The following CHCHD3 variants were observed in gnomAD, a reference collection of about 807,000 sequenced individuals.
The protein encoded by CHCHD3 is coiled-coil-helix-coiled-coil-helix domain containing 3.
A neutral mutation model predicts 38.2 loss-of-function variants in CHCHD3; 20 were observed. That is an observed-to-expected ratio of 0.52 (90% CI 0.37 to 0.76). The LOEUF is 0.76. Ranked by LOEUF, CHCHD3 falls within the 30% of genes least tolerant of loss-of-function variation. The pLI is 0.00. For synonymous variants in CHCHD3, 82 were observed against 100.0 expected, an observed-to-expected ratio of 0.82 and a Z score of 1.07; for missense variants, 245 against 279.2, an observed-to-expected ratio of 0.88 and a Z score of 0.87.
At chr7:132,973,873 C>T in intron 4 of CHCHD3, 1 of 1,172,026 alleles carries the variant, frequency 8.5e-7, no homozygotes, top group Non-Finnish European at 1.1e-6. Flanking sequence ...TTCTCCATTC[C>T]ATGGTCCCAT....
intron 4 of CHCHD3, among the ~76,000 whole-genome samples, chr7:132,974,476 A>G (rs1210251237): frequency 1.3e-5 from 2 of 152,224 alleles, no homozygotes; most frequent in African/African-American, 2.4e-5. Flanking sequence ...CACCTTTGCC[A>G]GAGTCTTCCA....
chr7:132,804,445 G>A (rs1447836878), intron 6 of CHCHD3, among the ~76,000 whole-genome samples: 1 of 152,092 alleles, frequency 6.6e-6, no homozygotes, highest in African/African-American at 2.4e-5. Context: ...CTCAGCTGAG[G>A]GGTGACTCGG....
Position 132,864,307 on chromosome 7 carries a change from G to A in CHCHD3, c.453+21355C>T, listed in dbSNP as rs563936391. On this transcript the variant is annotated intron_variant, in intron 5 of 7. Transcript: ENST00000262570. ...CCTCTCAGGGGAGGGAAAAGAGATG[G>A]GGAAATGGCTGATGGGTGGAGGAGT... 1.9e-3 allele frequency among the ~76,000 whole-genome samples: 293 copies of A among 152,234 alleles called. 1 individual carries two copies. The highest frequency in any genetic ancestry group is 6.7e-3 in the African/African-American group (280 of 41,534).
At chr7:133,059,656 T>C (rs1191515280) in intron 2 of CHCHD3, among the ~76,000 whole-genome samples, 2 of 152,304 alleles carry the variant, frequency 1.3e-5, no homozygotes, top group East Asian at 3.9e-4. Flanking sequence ...CTCAAGAAAG[T>C]GCCTCTTCCA....
chr7:132,869,393 C>CT (rs1468157500), intron 5 of CHCHD3, among the ~76,000 whole-genome samples: 2 of 152,120 alleles, frequency 1.3e-5, no homozygotes, highest in Non-Finnish European at 2.9e-5. Flanking sequence ...CAGCTCTGTT[C>CT]TTTTTTTAAA....
chr7:132,845,812 G>A (rs1420331739), intron 5 of CHCHD3, among the ~76,000 whole-genome samples: 4 of 152,060 alleles, frequency 2.6e-5, no homozygotes, highest in African/African-American at 4.8e-5. Context: ...TGTACTTTCC[G>A]GCATGCAACT....
intron 2 of CHCHD3, among the ~76,000 whole-genome samples, chr7:133,027,138 C>T (rs1813363232): frequency 6.6e-6 from 1 of 151,748 alleles, no homozygotes; most frequent in Admixed American, 6.6e-5. Flanking sequence ...GGGATTTCAC[C>T]ATGTTGGCCA....
chr7:132,903,740 C>T (rs1210230358), intron 4 of CHCHD3, among the ~76,000 whole-genome samples: 4 of 152,188 alleles, frequency 2.6e-5, no homozygotes, highest in Non-Finnish European at 4.4e-5. Context: ...TGACTTAAAA[C>T]TCATCTTACT....
intron 5 of CHCHD3, among the ~76,000 whole-genome samples, chr7:132,846,362 A>T (rs79234322): frequency 6.6e-6 from 1 of 152,386 alleles, no homozygotes; most frequent in East Asian, 1.9e-4. Context: ...AACCTCAGCC[A>T]ACTCAGCAGG....
At chr7:133,046,573 G>C (rs538866014) in intron 2 of CHCHD3, among the ~76,000 whole-genome samples, 21 of 48,576 alleles carry the variant, frequency 4.3e-4, no homozygotes, top group Middle Eastern at 0.01. Flanking sequence ...ATTTTTTTGG[G>C]GGGGGGAGAC....
At chr7:133,076,465 G>A (rs1018549215) in intron 1 of CHCHD3, among the ~76,000 whole-genome samples, 1 of 152,154 alleles carries the variant, frequency 6.6e-6, no homozygotes, top group Non-Finnish European at 1.5e-5. Flanking sequence ...CAGGTCTGCC[G>A]ATATTCAGCC....
chr7:133,055,973 C>T (rs1814319663), intron 2 of CHCHD3, among the ~76,000 whole-genome samples: 2 of 151,852 alleles, frequency 1.3e-5, no homozygotes, highest in South Asian at 2.1e-4. Context: ...AGTGAGACCC[C>T]GTCTCTACAA....
At chr7:133,011,242 G>A (rs371467204) in intron 3 of CHCHD3, among the ~76,000 whole-genome samples, 2 of 152,216 alleles carry the variant, frequency 1.3e-5, no homozygotes, top group African/African-American at 2.4e-5. Context: ...AAAGGACTTG[G>A]ACTTTATGCT....
chr7:132,985,878 C>A (rs1285252134), intron 3 of CHCHD3, among the ~76,000 whole-genome samples: 6 of 125,310 alleles, frequency 4.8e-5, no homozygotes, highest in Non-Finnish European at 8.8e-5. Flanking sequence ...CCCCTCTGCC[C>A]GGCCACCACC....
intron 3 of CHCHD3, among the ~76,000 whole-genome samples, chr7:132,984,915 C>G (rs1285316155): frequency 1.1e-5 from 1 of 93,912 alleles, no homozygotes; most frequent in Non-Finnish European, 2.3e-5. Context: ...GTCAGCCCCC[C>G]GCCCGGCCAG....
At chr7:133,061,377 G>A (rs189041481) in intron 2 of CHCHD3, among the ~76,000 whole-genome samples, 13 of 151,936 alleles carry the variant, frequency 8.6e-5, no homozygotes, top group South Asian at 4.2e-4. Context: ...ATTGGGAAAT[G>A]CAGAGCAAGG....
chr7:132,902,673 TA>T (rs1809700007), intron 4 of CHCHD3, among the ~76,000 whole-genome samples: 2 of 151,836 alleles, frequency 1.3e-5, no homozygotes, highest in African/African-American at 4.8e-5. Context: ...TGTTGTGAGG[TA>T]GGGGGAGTGG....
chr7:132,820,611 G>GTTTTTTTTTTTTTTTTTTTTTTTTT (rs748470167), intron 6 of CHCHD3, among the ~76,000 whole-genome samples: 7 of 96,188 alleles, frequency 7.3e-5, no homozygotes, highest in Non-Finnish European at 8.0e-5. Context: ...ATGTGCTAGT[G>GTTTTTTTTTTTTTTTTTTTTTTTTT]TTTTTTTTTT....
intron 4 of CHCHD3, among the ~76,000 whole-genome samples, chr7:132,909,918 T>A (rs1186949217): frequency 6.6e-6 from 1 of 152,216 alleles, no homozygotes; most frequent in African/African-American, 2.4e-5. Context: ...TGTTATTGCT[T>A]AGAGGCTGGA....
Sources: allele counts gnomAD v4.1 joint callset (sites outside exome capture counted in the v4.1 genomes callset), GRCh38; gene constraint gnomAD v4.1.1; transcripts MANE v1.5; gene names NCBI Gene and HGNC (gene_info 2026-07-23, HGNC 2026-07-21).